The following ZC3H4 variants were observed in gnomAD, a reference collection of about 807,000 sequenced individuals.
The protein encoded by ZC3H4 is zinc finger CCCH domain-containing protein 4.
ZC3H4 carries 13 observed loss-of-function variants against 108.3 expected under a neutral mutation model. The ratio of observed to expected loss-of-function variants is 0.12; its 90% CI spans 0.08 to 0.19. The LOEUF (loss-of-function observed/expected upper bound fraction) is 0.19. Ranked by LOEUF, ZC3H4 falls within the 10% of genes least tolerant of loss-of-function variation. The probability of loss-of-function intolerance (pLI) is 1.00; values close to 1 mark genes in which losing one functional copy is unlikely to be tolerated. For synonymous variants in ZC3H4, 917 were observed against 749.6 expected, an observed-to-expected ratio of 1.22 and a Z score of -3.65; for missense variants, 1,734 against 1,838.8, an observed-to-expected ratio of 0.94 and a Z score of 1.04.
At chr19:47,088,553 AAAAG>A (rs2057674044) in intron 5 of ZC3H4, among the ~76,000 whole-genome samples, 1 of 151,968 alleles carries the variant, frequency 6.6e-6, no homozygotes, top group South Asian at 2.1e-4. Context: ...TCTCAAAAAA[AAAAG>A]AAAGAATTGC....
intron 5 of ZC3H4, among the ~76,000 whole-genome samples, chr19:47,087,294 ACAC>A (rs2057646905): frequency 2.2e-5 from 2 of 90,224 alleles, no homozygotes; most frequent in South Asian, 2.8e-4. Flanking sequence ...ACACACACAC[ACAC>A]AAAAAAAAAC....
At chr19:47,087,358 T>C (rs1023508644) in intron 5 of ZC3H4, among the ~76,000 whole-genome samples, 4 of 151,714 alleles carry the variant, frequency 2.6e-5, no homozygotes, top group Admixed American at 2.6e-4. Flanking sequence ...TGATTACACG[T>C]TGAAGTAAGA....
In ZC3H4 at chr19:47,067,203, T is replaced by G. The variant is rs1269775740; in HGVS notation, c.3065A>C (p.Asn1022Thr). ...GGAGGCGCCCGGGCGCTGCCGGGCG[T>G]TGGGGGGCCCTGCCGTGGCAGCGCG... is the stretch of plus-strand genomic sequence containing the variant. Reference protein sequence around the residue: ...LHRAATAGPPNARQRPGASTD... With the variant: ...LHRAATAGPPTARQRPGASTD... Residue 1022 changes from asparagine to threonine, a missense_variant, in exon 15 of 15, where the codon AAC becomes ACC. Asn to Thr is a moderately conservative substitution (Grantham distance 65). Coordinates refer to ENST00000253048, the MANE Select transcript of ZC3H4 (RefSeq NM_015168.2). The surrounding 1 kb of genome is among the most constrained non-coding windows in gnomAD (Gnocchi z 6.4). 1.2e-6 allele frequency: 2 copies of G among 1,609,806 alleles called. No homozygotes were observed. The highest frequency in any genetic ancestry group is 1.7e-6 in the Non-Finnish European group (2 of 1,178,186).
At chr19:47,113,040 C>A (rs559655657) in intron 1 of ZC3H4, among the ~76,000 whole-genome samples, 1 of 152,334 alleles carries the variant, frequency 6.6e-6, no homozygotes, top group African/African-American at 2.4e-5. Context: ...GGAGACGGGC[C>A]GACTGTCTCC....
At chr19:47,090,419 G>A (rs2057711359) in intron 4 of ZC3H4, among the ~76,000 whole-genome samples, 1 of 152,140 alleles carries the variant, frequency 6.6e-6, no homozygotes, top group Non-Finnish European at 1.5e-5. Flanking sequence ...GAACTAGAAA[G>A]AAAACAGAAC....
At chr19:47,078,699 A>C (rs910340543) in intron 11 of ZC3H4, among the ~76,000 whole-genome samples, 2 of 151,996 alleles carry the variant, frequency 1.3e-5, no homozygotes, top group Admixed American at 1.3e-4. Flanking sequence ...GTCTCTACTA[A>C]AAATACAAAA....
intron 2 of ZC3H4, among the ~76,000 whole-genome samples, chr19:47,097,676 C>T (rs1331127516): frequency 1.3e-5 from 2 of 152,116 alleles, no homozygotes; most frequent in Non-Finnish European, 2.9e-5. Context: ...AACAGACTGC[C>T]GGCAAAATCC....
intron 11 of ZC3H4, 61 bp downstream of exon 11, chr19:47,081,452 G>T: frequency 4.5e-6 from 6 of 1,326,162 alleles, no homozygotes; most frequent in Non-Finnish European, 6.5e-6. Context: ...CAGCACTGAG[G>T]CAATGGAGTG....
intron 2 of ZC3H4, among the ~76,000 whole-genome samples, chr19:47,095,753 G>GA (rs2057810331): frequency 6.6e-6 from 1 of 152,068 alleles, no homozygotes; most frequent in South Asian, 2.1e-4. Context: ...GTTGGTAAAG[G>GA]AAAAAAACAA....
At chr19:47,079,320 C>T (rs894326339) in intron 11 of ZC3H4, among the ~76,000 whole-genome samples, 8 of 150,864 alleles carry the variant, frequency 5.3e-5, no homozygotes, top group Non-Finnish European at 7.4e-5. Context: ...TGAGCCACTG[C>T]GCCTGGCCAG....
At chr19:47,102,067 G>A (rs1231389294) in intron 2 of ZC3H4, among the ~76,000 whole-genome samples, 1 of 152,086 alleles carries the variant, frequency 6.6e-6, no homozygotes, top group Non-Finnish European at 1.5e-5. Context: ...GAACTTCCAA[G>A]TGGGACAACT....
At chr19:47,103,328 G>T (rs1032842437) in intron 2 of ZC3H4, among the ~76,000 whole-genome samples, 12 of 151,924 alleles carry the variant, frequency 7.9e-5, no homozygotes, top group African/African-American at 2.2e-4. Flanking sequence ...TTCTACACAG[G>T]GTCTTGCTCT....
Position 47,067,970 on chromosome 19 carries a change from G to A in ZC3H4, c.2399-101C>T, listed in dbSNP as rs1318277917. On this transcript the variant is annotated intron_variant, in intron 14 of 14. Coordinates refer to ENST00000253048, the MANE Select transcript of ZC3H4 (RefSeq NM_015168.2). The surrounding 1 kb of genome is among the most constrained non-coding windows in gnomAD (Gnocchi z 6.4). ...CACCGTGAGCAGCTCCTTTGCTTGT[G>A]CCTCTCAGAACCTCAGGTCCTCCTC... The A allele has an allele frequency of 2.5e-6, 3 of 1,194,336 alleles. No homozygotes were observed. In the East Asian group the frequency reaches 7.7e-5, roughly 30 times the overall value. 74.0% of individuals were successfully genotyped at this position (1,194,336 alleles called of 1,614,324 possible).
At chr19:47,096,447 G>A (rs1396536065) in intron 2 of ZC3H4, among the ~76,000 whole-genome samples, 3 of 152,252 alleles carry the variant, frequency 2.0e-5, no homozygotes, top group East Asian at 1.9e-4. Flanking sequence ...CACCCACACC[G>A]AAAAGGGCCA....
Position 47,084,444 on chromosome 19 carries a change from A to G in ZC3H4, c.1119T>C (p.Gly373=). Residue 373 remains glycine, a synonymous_variant, in exon 9 of 15, where the codon GGT becomes GGC. Coordinates refer to ENST00000253048, the MANE Select transcript of ZC3H4 (RefSeq NM_015168.2). ...FYDEDMGDGG[G]GSYRSRDHDK... ...CATGGTCACGACTCCGGTAGCTTCC[A>G]CCACCACCGTCCTGCAATGGACAGG... The G allele has an allele frequency of 6.2e-7, 1 of 1,614,102 alleles. No homozygotes were observed. Among genetic ancestry groups the G allele is most frequent in the Non-Finnish European group, 8.5e-7 (1 of 1,180,020 alleles).
At position 47,069,149 on chromosome 19, in the gene ZC3H4, C is replaced by T. The variant is rs1479148504; in HGVS notation, c.2341G>A (p.Glu781Lys). 1 of 1,607,570 alleles carries T rather than the reference C, an allele frequency of 6.2e-7. No homozygotes were observed. The highest frequency in any genetic ancestry group is 8.5e-7 in the Non-Finnish European group (1 of 1,179,966). The change falls in exon 14 of 15, where the codon GAG becomes AAG. Residue 781 changes from glutamate to lysine, a missense_variant. Coordinates refer to ENST00000253048, the MANE Select transcript of ZC3H4 (RefSeq NM_015168.2). The part of the protein sequence containing the change: ...LRIQQKQQEE[E>K]ERARRLAESS... ...TCAGCCAGCCTCCTCGCTCTCTCCT[C>T]CTCCTCCTGCTGCTTCTGCTGGATC...
At chr19:47,107,771 A>G (rs573598944) in intron 2 of ZC3H4, among the ~76,000 whole-genome samples, 1 of 152,276 alleles carries the variant, frequency 6.6e-6, no homozygotes, top group South Asian at 2.1e-4. Context: ...GATGTGCCAG[A>G]AATCTATTTA....
At chr19:47,076,988 G>A (rs1056301021) in intron 11 of ZC3H4, among the ~76,000 whole-genome samples, 28 of 151,802 alleles carry the variant, frequency 1.8e-4, no homozygotes, top group African/African-American at 3.4e-4. Context: ...GCAAGACTCC[G>A]TCTCAAAAAA....
Position 47,067,433 on chromosome 19 carries a change from G to A in ZC3H4, c.2835C>T (p.Pro945=), listed in dbSNP as rs201775448. Residue 945 remains proline, a synonymous_variant, in exon 15 of 15, where the codon CCC becomes CCT. Coordinates refer to ENST00000253048, the MANE Select transcript of ZC3H4 (RefSeq NM_015168.2). The surrounding 1 kb of genome is among the most constrained non-coding windows in gnomAD (Gnocchi z 6.4). ...KAVNIPLDPL[P]GHPLRDPRSQ... ...ACCGTGGGTCCCGCAGAGGGTGCCC[G>A]GGGAGTGGGTCCAGGGGAATGTTCA... The A allele has an allele frequency of 1.7e-4, 271 of 1,602,776 alleles. No individual in the cohort carries two copies. Among genetic ancestry groups the A allele is most frequent in the African/African-American group, 3.2e-4 (24 of 74,834 alleles).
Sources: allele counts gnomAD v4.1 joint callset (sites outside exome capture counted in the v4.1 genomes callset), GRCh38; gene constraint gnomAD v4.1.1; non-coding constraint Gnocchi (gnomAD v3.1); transcripts MANE v1.5; gene names NCBI Gene and HGNC (gene_info 2026-07-23, HGNC 2026-07-21).